The following CAMKMT variants were observed in gnomAD, a reference collection of about 807,000 sequenced individuals.
The protein encoded by CAMKMT is calmodulin-lysine N-methyltransferase, also known as CaM KMT.
A neutral mutation model predicts 48.0 loss-of-function variants in CAMKMT; 53 were observed. That is an observed-to-expected ratio of 1.10 (90% CI 0.89 to 1.39). The LOEUF is 1.39. Among genes scored for constraint, CAMKMT ranks in the 40% most tolerant of loss-of-function variants. The pLI, the probability that CAMKMT is intolerant of heterozygous loss-of-function variation, is 0.00. For missense variants in CAMKMT, 428 were observed against 402.7 expected (o/e 1.06, Z -0.54); for synonymous variants, 165 against 152.3 (o/e 1.08, Z -0.61).
intron 2 of CAMKMT, among the ~76,000 whole-genome samples, chr2:44,382,582 C>T (rs6736204): frequency 0.021 from 3,207 of 151,830 alleles, 119 homozygotes; most frequent in African/African-American, 0.073. Flanking sequence ...GGGTTCATGC[C>T]GATCTTCTGC....
chr2:44,707,472 T>G lies in CAMKMT; in HGVS notation c.556+10T>G. On this transcript the variant is annotated intron_variant, in intron 6 of 10. Transcript: ENST00000378494. ...GAAAAGGCCATCAGAAGTATCCTTA[T>G]TCAGATAGAAAACGGGTTTGTTGTG... The G allele has an allele frequency of 6.2e-7, 1 of 1,610,536 alleles. No homozygotes were observed. The highest frequency in any genetic ancestry group is 8.5e-7 in the Non-Finnish European group (1 of 1,178,206).
intron 3 of CAMKMT, among the ~76,000 whole-genome samples, chr2:44,508,103 T>C (rs1367936177): frequency 6.6e-6 from 1 of 152,216 alleles, no homozygotes; most frequent in African/African-American, 2.4e-5. Flanking sequence ...GTAATGACCT[T>C]GTCTTGAACA....
In CAMKMT at chr2:44,524,056, C is replaced by T. The variant is rs146445809; in HGVS notation, c.376+133751C>T. 3.5e-3 allele frequency among the ~76,000 whole-genome samples: 535 copies of T among 152,162 alleles called. 2 individuals are homozygous for T. The highest frequency in any genetic ancestry group is 0.011 in the African/African-American group (473 of 41,492). On this transcript the variant is annotated intron_variant, in intron 3 of 10. Coordinates refer to ENST00000378494, the MANE Select transcript of CAMKMT (RefSeq NM_024766.5). ...CCTCCCAAAGTGCTGGGATTACAGGCGTGAGCCACCGTGTCGAACACAGAG... is the reference window on the plus strand; with the variant it reads ...CCTCCCAAAGTGCTGGGATTACAGGTGTGAGCCACCGTGTCGAACACAGAG...
chr2:44,607,476 G>C (rs757218843), intron 3 of CAMKMT, among the ~76,000 whole-genome samples: 1 of 151,988 alleles, frequency 6.6e-6, no homozygotes, highest in East Asian at 1.9e-4. Context: ...ATATACTATG[G>C]TTTCTAGTAG....
intron 3 of CAMKMT, among the ~76,000 whole-genome samples, chr2:44,520,360 G>A (rs1048670770): frequency 1.8e-4 from 27 of 151,984 alleles, no homozygotes; most frequent in Non-Finnish European, 3.7e-4. Context: ...CTCCCGATCC[G>A]CCTGCCGTGG....
At chr2:44,533,459 G>C (rs191746207) in intron 3 of CAMKMT, among the ~76,000 whole-genome samples, 3 of 152,114 alleles carry the variant, frequency 2.0e-5, no homozygotes, top group African/African-American at 7.2e-5. Context: ...GGCTGGTCTT[G>C]AACTCCTGAC....
rs190183584 is a variant in CAMKMT, at chr2:44,685,951, C to T, written c.377-18332C>T. On this transcript the variant is annotated intron_variant, in intron 3 of 10. Coordinates refer to ENST00000378494, the MANE Select transcript of CAMKMT (RefSeq NM_024766.5). ...CCTCTTTTAACACTTCAATCTGATACGCATTTCTTTGGAGTAACTTAAGAA... is the reference window on the plus strand; with the variant it reads ...CCTCTTTTAACACTTCAATCTGATATGCATTTCTTTGGAGTAACTTAAGAA... Among the ~76,000 whole-genome samples the T allele has an allele frequency of 2.7e-4, 41 of 151,928 alleles. 2 individuals carry two copies. The East Asian group carries it at 6.6e-3, about 24-fold the overall frequency.
At chr2:44,383,630 C>A (rs919465942) in intron 2 of CAMKMT, among the ~76,000 whole-genome samples, 9 of 152,110 alleles carry the variant, frequency 5.9e-5, no homozygotes, top group African/African-American at 9.7e-5. Flanking sequence ...CCTTGTACCC[C>A]TCCCACTCTT....
chr2:44,466,310 G>A lies in CAMKMT; in HGVS notation c.376+76005G>A, dbSNP rs146033095. 1.2e-3 allele frequency among the ~76,000 whole-genome samples: 179 copies of A among 152,236 alleles called. 1 individual carries two copies. Among genetic ancestry groups the A allele is most frequent in the African/African-American group, 4.1e-3 (172 of 41,548 alleles). On this transcript the variant is annotated intron_variant, in intron 3 of 10. Transcript: ENST00000378494. Reference sequence around the variant, plus strand: ...CGGTCTTAACAAATTTAAGTAGATTGAAATCACTTTATGTATTTTTTCTGA... The same window carrying A: ...CGGTCTTAACAAATTTAAGTAGATTAAAATCACTTTATGTATTTTTTCTGA...
At chr2:44,677,323 G>C (rs1675760917) in intron 3 of CAMKMT, among the ~76,000 whole-genome samples, 1 of 152,136 alleles carries the variant, frequency 6.6e-6, no homozygotes, top group South Asian at 2.1e-4. Context: ...CCTGTCCCTT[G>C]TATTATTTTG....
At chr2:44,521,161 G>C (rs1320497242) in intron 3 of CAMKMT, among the ~76,000 whole-genome samples, 1 of 152,108 alleles carries the variant, frequency 6.6e-6, no homozygotes. Context: ...TATGGCTTGT[G>C]GTAAATGGTA....
intron 7 of CAMKMT, among the ~76,000 whole-genome samples, chr2:44,736,930 C>T (rs542800671): frequency 3.3e-5 from 5 of 152,136 alleles, no homozygotes; most frequent in African/African-American, 9.6e-5. Flanking sequence ...TTGTAATGCC[C>T]GTGTCTGCTA....
intron 3 of CAMKMT, among the ~76,000 whole-genome samples, chr2:44,399,877 C>G (rs907066948): frequency 4.6e-5 from 7 of 152,068 alleles, no homozygotes; most frequent in Admixed American, 4.6e-4. Flanking sequence ...CGCAGTTGTT[C>G]TTATCATAAT....
chr2:44,429,596 T>C (rs1278795283), intron 3 of CAMKMT, among the ~76,000 whole-genome samples: 3 of 151,926 alleles, frequency 2.0e-5, no homozygotes, highest in African/African-American at 7.3e-5. Context: ...GGTCAGGAGA[T>C]CGAGACCATC....
chr2:44,764,465 C>T (rs1680750908), intron 9 of CAMKMT, among the ~76,000 whole-genome samples: 1 of 152,134 alleles, frequency 6.6e-6, no homozygotes, highest in African/African-American at 2.4e-5. Flanking sequence ...AGGCTTTGTT[C>T]TTCCCATTTA....
intron 3 of CAMKMT, among the ~76,000 whole-genome samples, chr2:44,679,157 A>T (rs1041617281): frequency 7.2e-5 from 11 of 152,158 alleles, no homozygotes; most frequent in African/African-American, 2.7e-4. Flanking sequence ...CAGAAAGTCA[A>T]ACTCCAGTGT....
chr2:44,546,188 CACACACACACACACAT>C (rs755745531), intron 3 of CAMKMT, among the ~76,000 whole-genome samples: 2 of 139,654 alleles, frequency 1.4e-5, no homozygotes, highest in African/African-American at 5.0e-5. Flanking sequence ...CACACACACA[CACACACACACACACAT>C]ACATGCACAT....
intron 3 of CAMKMT, among the ~76,000 whole-genome samples, chr2:44,398,267 A>G (rs1682038683): frequency 6.6e-6 from 1 of 152,218 alleles, no homozygotes; most frequent in Non-Finnish European, 1.5e-5. Context: ...ATTTCTCCAA[A>G]ACGGCGAGAA....
chr2:44,553,208 G>A (rs1377563296), intron 3 of CAMKMT, among the ~76,000 whole-genome samples: 1 of 152,158 alleles, frequency 6.6e-6, no homozygotes, highest in Non-Finnish European at 1.5e-5. Context: ...TCTGTTCACT[G>A]TTGACCCAGA....
Sources: allele counts gnomAD v4.1 joint callset (sites outside exome capture counted in the v4.1 genomes callset), GRCh38; gene constraint gnomAD v4.1.1; transcripts MANE v1.5; gene names NCBI Gene and HGNC (gene_info 2026-07-23, HGNC 2026-07-21).